Variants in TRAK2 observed in about 807,000 individuals in gnomAD.
The protein encoded by TRAK2 is trafficking kinesin protein 2, also known as trafficking kinesin-binding protein 2.
Under a neutral mutation model 104.6 loss-of-function variants are expected in TRAK2, and 81 were observed. The ratio of observed to expected loss-of-function variants is 0.77; its 90% CI spans 0.65 to 0.93. The LOEUF is 0.93. Among genes scored for constraint, TRAK2 ranks in the 40% least tolerant of loss-of-function variants. TRAK2 has a pLI of 0.00. For missense variants in TRAK2, 1,002 were observed against 1,089.0 expected, an observed-to-expected ratio of 0.92 and a Z score of 1.12; for synonymous variants, 406 against 394.4, an observed-to-expected ratio of 1.03 and a Z score of -0.35.
At chr2:201,413,554 C>A (rs1951666919) in intron 2 of TRAK2, among the ~76,000 whole-genome samples, 1 of 151,980 alleles carries the variant, frequency 6.6e-6, no homozygotes. Context: ...GTTTTTACAC[C>A]TAGAGATCAA....
At chr2:201,391,797 T>A (rs1951450326) in intron 10 of TRAK2, among the ~76,000 whole-genome samples, 1 of 152,098 alleles carries the variant, frequency 6.6e-6, no homozygotes, top group African/African-American at 2.4e-5. Context: ...TGGAATCTAA[T>A]CATGAGGATG....
chr2:201,420,036 T>A (rs1951726407), intron 2 of TRAK2, among the ~76,000 whole-genome samples: 1 of 152,192 alleles, frequency 6.6e-6, no homozygotes, highest in Admixed American at 6.5e-5. Flanking sequence ...GTTATGGGCC[T>A]GTATGTATGT....
intron 2 of TRAK2, among the ~76,000 whole-genome samples, chr2:201,417,121 T>C (rs184192195): frequency 3.3e-5 from 5 of 149,586 alleles, no homozygotes; most frequent in Admixed American, 3.3e-4. Flanking sequence ...AGTAAAAACA[T>C]GAAAAATAAG....
chr2:201,450,147 C>T (rs1195254289), intron 1 of TRAK2, among the ~76,000 whole-genome samples: 3 of 151,986 alleles, frequency 2.0e-5, no homozygotes, highest in Non-Finnish European at 2.9e-5. Flanking sequence ...CTGGGTGTGG[C>T]GGCTCACGTC....
At chr2:201,394,013 GTGC>G (rs1951473649) in intron 9 of TRAK2, among the ~76,000 whole-genome samples, 1 of 152,212 alleles carries the variant, frequency 6.6e-6, no homozygotes, top group Non-Finnish European at 1.5e-5. Context: ...GCCTCCCAAA[GTGC>G]TGGGATGACA....
intron 3 of TRAK2, among the ~76,000 whole-genome samples, chr2:201,406,911 C>T (rs1951599407): frequency 6.6e-6 from 1 of 152,124 alleles, no homozygotes; most frequent in Admixed American, 6.5e-5. Flanking sequence ...ATGAAGATTA[C>T]TATATAGGGT....
Position 201,417,538 on chromosome 2 carries a change from A to C in TRAK2, c.91+2879T>G, listed in dbSNP as rs745795834. Among the ~76,000 whole-genome samples the C allele has an allele frequency of 1.3e-3, 198 of 152,324 alleles. 1 individual carries two copies. The highest frequency in any genetic ancestry group is 1.3e-3 in the Non-Finnish European group (87 of 67,992). ...AACAGAGGCAAAATAAGTATTTGAC[A>C]AAATTCATGCTAAAAATTTCTCATC... is the stretch of plus-strand genomic sequence containing the variant. On this transcript the variant is annotated intron_variant, in intron 2 of 15. Transcript: ENST00000332624.
chr2:201,384,901 G>A (rs1368426584), intron 14 of TRAK2, among the ~76,000 whole-genome samples: 1 of 152,182 alleles, frequency 6.6e-6, no homozygotes, highest in Non-Finnish European at 1.5e-5. Context: ...CTGAGATACA[G>A]TGGTTATCTA....
chr2:201,392,997 T>C lies in TRAK2; in HGVS notation c.1025A>G (p.Glu342Gly). ...AAGTTCCTTTATTTCTTCTTGGGAT[T>C]CATGTAACATTCCTAGACACTCCAT... is the stretch of plus-strand genomic sequence containing the variant. ...RNMECLGMLH[E>G]SQEEIKELRS... Residue 342 changes from glutamate to glycine, a missense_variant, in exon 10 of 16, where the codon GAA becomes GGA. Coordinates refer to ENST00000332624, the MANE Select transcript of TRAK2 (RefSeq NM_015049.3). The C allele has an allele frequency of 3.1e-6, 5 of 1,613,786 alleles. No homozygotes were observed. Among genetic ancestry groups the C allele is most frequent in the Non-Finnish European group, 4.2e-6 (5 of 1,179,810 alleles).
chr2:201,383,463 C>T (rs895168164), intron 15 of TRAK2, among the ~76,000 whole-genome samples: 1 of 152,200 alleles, frequency 6.6e-6, no homozygotes, highest in African/African-American at 2.4e-5. Context: ...ATCATACCTA[C>T]ACAATGAAGC....
chr2:201,394,674 T>C, intron 9 of TRAK2, 124 bp downstream of exon 9: 1 of 843,012 alleles, frequency 1.2e-6, no homozygotes, highest in Non-Finnish European at 1.9e-6. Flanking sequence ...CATAATATCA[T>C]CTTAACCTTT....
intron 5 of TRAK2, 73 bp from the exon 6 acceptor site, chr2:201,398,427 T>C: frequency 1.5e-6 from 2 of 1,327,796 alleles, no homozygotes; most frequent in Non-Finnish European, 2.1e-6. Flanking sequence ...TTCTAATTCA[T>C]GGAACAATTA....
intron 9 of TRAK2, among the ~76,000 whole-genome samples, chr2:201,394,315 A>C (rs1951477467): frequency 6.6e-6 from 1 of 150,806 alleles, no homozygotes; most frequent in Non-Finnish European, 1.5e-5. Context: ...TTTTAGGGAC[A>C]GGACTTTTAA....
chr2:201,399,590 C>T (rs1036396355), intron 4 of TRAK2, 97 bp from the exon 5 acceptor site: 18 of 819,450 alleles, frequency 2.2e-5, no homozygotes, highest in African/African-American at 3.4e-5. Flanking sequence ...TCAAAAGCAA[C>T]GTCCTAGAAA....
At position 201,386,382 on chromosome 2, in the gene TRAK2, G is replaced by A. The variant is rs769586016; in HGVS notation, c.1799C>T (p.Pro600Leu). Residue 600 changes from proline (P) to leucine (L), a missense_variant, in exon 14 of 16, where the codon CCC (proline) becomes CTC (leucine). Physicochemically the swap from Pro to Leu is moderately conservative, Grantham distance 98. Transcript: ENST00000332624. ...GVITKGFTQLPGDAIYHISDL... is the reference protein window; with the variant it reads ...GVITKGFTQLLGDAIYHISDL... ...TGAGATGTGATAAATAGCATCCCCGGGCAACTGGGTAAAGCCTTTAGTAAT... is the reference window on the plus strand; with the variant it reads ...TGAGATGTGATAAATAGCATCCCCGAGCAACTGGGTAAAGCCTTTAGTAAT... 8 of 1,614,006 alleles carry A rather than the reference G, an allele frequency of 5.0e-6. No individual in the cohort carries two copies. The East Asian group carries it at 1.1e-4, about 22-fold the overall frequency.
chr2:201,451,330 T>C lies in TRAK2; in HGVS notation c.-200+20A>G, dbSNP rs929709787. 17 of 152,222 alleles carry C rather than the reference T, an allele frequency of 1.1e-4. No homozygotes were observed. The highest frequency in any genetic ancestry group is 3.1e-4 in the African/African-American group (13 of 41,464). The allele number at this position is 152,222 out of a possible 1,614,324, so 9.4% of individuals were successfully genotyped here. A position where few individuals can be genotyped will look rare whatever the true frequency, so the allele number is the denominator to read the frequency against. On this transcript the variant is annotated intron_variant, in intron 1 of 15. Coordinates refer to ENST00000332624, the MANE Select transcript of TRAK2 (RefSeq NM_015049.3). ...AGTTGTCAAGGGCAAGTTCGGGTTC[T>C]GCGCGGACAGCTTACTCACTGGAGT...
At chr2:201,400,343 A>G (rs1353088042) in intron 4 of TRAK2, among the ~76,000 whole-genome samples, 3 of 152,126 alleles carry the variant, frequency 2.0e-5, no homozygotes, top group Non-Finnish European at 4.4e-5. Context: ...TATTATATAA[A>G]TAAAATTAAG....
intron 1 of TRAK2, among the ~76,000 whole-genome samples, chr2:201,449,442 G>C (rs1001377479): frequency 1.1e-4 from 16 of 151,530 alleles, no homozygotes; most frequent in African/African-American, 3.6e-4. Context: ...GCTCCCACCT[G>C]GGGTGCCTGG....
chr2:201,392,906 T>TA lies in TRAK2; in HGVS notation c.1113+2dup. The TA allele has an allele frequency of 6.2e-7, 1 of 1,607,662 alleles. No individual in the cohort carries two copies. Among genetic ancestry groups the TA allele is most frequent in the Non-Finnish European group, 8.5e-7 (1 of 1,177,960 alleles). On this transcript the variant is annotated splice_region_variant and intron_variant, in intron 10 of 15. Transcript: ENST00000332624. The stretch of plus-strand genomic sequence containing the variant: ...ATACATAGCATCTTTCTTAGTTGCT[T>TA]ACCCCAGTAAAAGCTCCATATGATT...
Sources: gnomAD v4.1 joint callset for allele counts (sites outside exome capture counted in the v4.1 genomes callset) on GRCh38, gnomAD v4.1.1 for gene constraint, MANE v1.5 for transcripts, NCBI Gene and HGNC (gene_info 2026-07-23, HGNC 2026-07-21) for gene names.